The following GPHN variants were observed in gnomAD, a reference collection of about 807,000 sequenced individuals.
GPHN encodes gephyrin.
In GPHN, 17 loss-of-function variants were observed where a neutral mutation model predicts 95.5. The observed-to-expected ratio is 0.18, with a 90% confidence interval of 0.12 to 0.27. The LOEUF is 0.27. Ranked by LOEUF, GPHN falls within the 10% of genes least tolerant of loss-of-function variation. The pLI, the probability that GPHN is intolerant of heterozygous loss-of-function variation, is 1.00. For missense variants in GPHN, 660 were observed against 978.1 expected (o/e 0.67, Z 4.34); for synonymous variants, 320 against 322.5 (o/e 0.99, Z 0.08).
At chr14:67,185,139 A>T (rs1221119201), downstream of GPHN, among the ~76,000 whole-genome samples, 1 of 152,236 alleles carries the variant, frequency 6.6e-6, no homozygotes, top group African/African-American at 2.4e-5. Context: ...TTTGTGTGTG[A>T]AAAAAGAAAG....
intron 16 of GPHN, among the ~76,000 whole-genome samples, chr14:67,114,606 C>T (rs1023967257): frequency 2.0e-5 from 3 of 152,162 alleles, no homozygotes; most frequent in African/African-American, 7.2e-5. Context: ...GGGAGGATCA[C>T]TTGAGCTCAA....
intron 10 of GPHN, among the ~76,000 whole-genome samples, chr14:67,028,519 C>T (rs2074034762): frequency 6.6e-6 from 1 of 151,836 alleles, no homozygotes; most frequent in African/African-American, 2.4e-5. Flanking sequence ...CACATCCTTA[C>T]CAGTATGTGT....
At chr14:66,595,538 C>T (rs1238781749) in intron 1 of GPHN, among the ~76,000 whole-genome samples, 5 of 152,208 alleles carry the variant, frequency 3.3e-5, no homozygotes, top group East Asian at 1.9e-4. Flanking sequence ...TGTGAGTTAG[C>T]GTGTGATCTG....
intron 1 of GPHN, among the ~76,000 whole-genome samples, chr14:66,561,066 C>G (rs1315291781): frequency 6.6e-6 from 1 of 152,142 alleles, no homozygotes; most frequent in African/African-American, 2.4e-5. Flanking sequence ...ATATGTTGAA[C>G]CAGCCTTGCA....
chr14:67,645,143 C>T, the GPHN span, among the ~76,000 whole-genome samples: 1 of 151,652 alleles, frequency 6.6e-6, no homozygotes, highest in Non-Finnish European at 1.5e-5. Context: ...TTTGGTGAGT[C>T]GTTACCTATA....
chr14:66,542,632 A>C lies in GPHN; in HGVS notation c.64+34041A>C, dbSNP rs1376309327. On this transcript the variant is annotated intron_variant, in intron 1 of 22. Transcript: ENST00000478722. ...CTCCTATGTCATAAAGTTTTTTCAT[A>C]CTGCATCACTACCACATGAAGACAA... Among the ~76,000 whole-genome samples the C allele has an allele frequency of 2.0e-5, 3 of 152,104 alleles. No homozygotes were observed. The East Asian group carries it at 5.8e-4, about 29-fold the overall frequency.
At chr14:67,382,585 A>G in the GPHN span, 3 of 1,613,874 alleles carry the variant, frequency 1.9e-6, no homozygotes, top group Non-Finnish European at 2.5e-6. Flanking sequence ...CAATGTTCAA[A>G]TGGAGGTGAG....
intron 8 of GPHN, among the ~76,000 whole-genome samples, chr14:66,943,651 A>G (rs1320453907): frequency 1.4e-5 from 2 of 147,462 alleles, no homozygotes; most frequent in African/African-American, 5.0e-5. Flanking sequence ...AGGCACCACA[A>G]CTTTTATCAT....
At chr14:67,651,086 A>G in the GPHN span, 1 of 931,008 alleles carries the variant, frequency 1.1e-6, no homozygotes, top group South Asian at 1.7e-5. Context: ...GACCAATACT[A>G]CTGTAAATGT....
At chr14:67,296,303 A>G in the GPHN span, among the ~76,000 whole-genome samples, 2 of 152,140 alleles carry the variant, frequency 1.3e-5, no homozygotes. Flanking sequence ...CTTAATGTTA[A>G]AAGATGGTGT....
At chr14:66,515,539 T>C (rs967396152) in intron 1 of GPHN, among the ~76,000 whole-genome samples, 1 of 152,168 alleles carries the variant, frequency 6.6e-6, no homozygotes, top group African/African-American at 2.4e-5. Flanking sequence ...AAATTTGATA[T>C]CTAAAAACTA....
intron 2 of GPHN, among the ~76,000 whole-genome samples, chr14:66,757,167 A>G (rs1044582651): frequency 6.6e-6 from 1 of 152,170 alleles, no homozygotes; most frequent in African/African-American, 2.4e-5. Context: ...TTATGAAAAA[A>G]TTAAAACTCA....
chr14:67,027,341 C>A (rs1320528819), intron 10 of GPHN, among the ~76,000 whole-genome samples: 1 of 151,868 alleles, frequency 6.6e-6, no homozygotes, highest in Non-Finnish European at 1.5e-5. Flanking sequence ...TTCTTTCTGC[C>A]CCACCCCGAG....
the GPHN span, among the ~76,000 whole-genome samples, chr14:67,523,381 A>G: frequency 2.6e-5 from 4 of 152,104 alleles, no homozygotes; most frequent in Admixed American, 2.6e-4. Flanking sequence ...GTACAGTGCT[A>G]GGGAAAAAAA....
intron 2 of GPHN, among the ~76,000 whole-genome samples, chr14:66,746,290 G>T (rs1173086098): frequency 1.3e-5 from 2 of 152,022 alleles, no homozygotes; most frequent in Non-Finnish European, 2.9e-5. Context: ...TCAGTATTAG[G>T]CTCAATCAAT....
At chr14:67,687,092 C>T in the GPHN span, among the ~76,000 whole-genome samples, 3 of 152,174 alleles carry the variant, frequency 2.0e-5, no homozygotes, top group African/African-American at 7.2e-5. Flanking sequence ...CTAAAGCATG[C>T]ATCTCCAGTC....
chr14:67,655,028 C>CAAAAA, the GPHN span, among the ~76,000 whole-genome samples: 10 of 43,464 alleles, frequency 2.3e-4, no homozygotes, highest in South Asian at 1.0e-3. Context: ...GACTCCATCT[C>CAAAAA]AAAAAAAAAA....
the GPHN span, among the ~76,000 whole-genome samples, chr14:67,207,279 G>A: frequency 6.6e-6 from 1 of 152,192 alleles, no homozygotes; most frequent in African/African-American, 2.4e-5. Context: ...GGGCCTCAGG[G>A]AACTTACAAT....
intron 1 of GPHN, among the ~76,000 whole-genome samples, chr14:66,557,597 C>G (rs2060059082): frequency 1.3e-5 from 2 of 152,106 alleles, no homozygotes; most frequent in Admixed American, 1.3e-4. Context: ...TTAGAACATA[C>G]TACATAATTA....
Sources: gnomAD v4.1 joint callset for allele counts (sites outside exome capture counted in the v4.1 genomes callset) on GRCh38, gnomAD v4.1.1 for gene constraint, MANE v1.5 for transcripts, NCBI Gene and HGNC (gene_info 2026-07-23, HGNC 2026-07-21) for gene names.